Variants in EYS observed in about 807,000 individuals in gnomAD.
The protein encoded by EYS is protein eyes shut homolog.
A neutral mutation model predicts 282.1 loss-of-function variants in EYS; 250 were observed. The observed-to-expected ratio is 0.89, with a 90% CI of 0.80 to 0.98. The LOEUF (loss-of-function observed/expected upper bound fraction) is 0.98, where lower values mean the gene tolerates loss of function less well. Ranked by LOEUF, EYS falls within the 50% of genes least tolerant of loss-of-function variation. EYS has a pLI of 0.00. For missense variants in EYS, 4,016 were observed against 3,709.0 expected (o/e 1.08, Z -2.15); for synonymous variants, 1,355 against 1,282.9 (o/e 1.06, Z -1.20).
intron 22 of EYS, among the ~76,000 whole-genome samples, chr6:64,768,131 A>G (rs1012959518): frequency 6.6e-6 from 1 of 152,126 alleles, no homozygotes; most frequent in African/African-American, 2.4e-5. Context: ...ATAATGAAAA[A>G]TAACAAAATA....
At chr6:65,393,893 G>A (rs898062121) in intron 7 of EYS, among the ~76,000 whole-genome samples, 2 of 151,982 alleles carry the variant, frequency 1.3e-5, no homozygotes, top group East Asian at 3.9e-4. Flanking sequence ...CATTATCGTT[G>A]AAATATCTCA....
intron 33 of EYS, among the ~76,000 whole-genome samples, chr6:64,036,233 GA>G (rs1039883627): frequency 2.0e-5 from 3 of 151,214 alleles, no homozygotes; most frequent in South Asian, 2.1e-4. Context: ...AAGTATAATA[GA>G]AAAAAAAAGA....
At chr6:65,544,582 A>T (rs1199386814) in intron 2 of EYS, among the ~76,000 whole-genome samples, 1 of 152,068 alleles carries the variant, frequency 6.6e-6, no homozygotes, top group Non-Finnish European at 1.5e-5. Context: ...TTCCGCCATG[A>T]TTGTAAGTTT....
intron 41 of EYS, among the ~76,000 whole-genome samples, chr6:63,735,493 T>TCA (rs56885891): frequency 0.012 from 1,824 of 147,824 alleles, 21 homozygotes; most frequent in African/African-American, 0.033. Flanking sequence ...TCTGTCTCTG[T>TCA]CACACACACA....
intron 31 of EYS, among the ~76,000 whole-genome samples, chr6:64,211,590 A>G (rs1446341725): frequency 1.5e-5 from 2 of 130,628 alleles, no homozygotes; most frequent in Non-Finnish European, 3.3e-5. Context: ...TTCATATATT[A>G]ATCTAATTTA....
In EYS at chr6:64,591,852, G is replaced by A. The variant is rs1325494721; in HGVS notation, c.4015C>T (p.Leu1339Phe). The A allele has an allele frequency of 3.2e-6, 5 of 1,551,254 alleles. No homozygotes were observed. The South Asian group carries it at 5.9e-5, about 18-fold the overall frequency. The change falls in exon 26 of 43, where the codon CTT becomes TTT. Residue 1339 changes from leucine (L) to phenylalanine (F), a missense_variant. By Grantham distance (22) the Leu-to-Phe change is conservative. Transcript: ENST00000503581. Reference protein sequence around the residue: ...VTRELSAKHSLLSSADVSSSR... With the variant: ...VTRELSAKHSFLSSADVSSSR... ...GAGGAAACATCTGCGGAAGAAAGAA[G>A]ACTGTGTTTTGCTGAAAGCTCTCTA...
chr6:63,987,387 G>A (rs922962834), intron 34 of EYS, among the ~76,000 whole-genome samples: 2 of 151,690 alleles, frequency 1.3e-5, no homozygotes, highest in Admixed American at 6.6e-5. Flanking sequence ...GATGTTCATT[G>A]CAGAGCTTAT....
At chr6:63,959,521 C>T (rs1765964752) in intron 35 of EYS, among the ~76,000 whole-genome samples, 1 of 152,098 alleles carries the variant, frequency 6.6e-6, no homozygotes, top group Non-Finnish European at 1.5e-5. Flanking sequence ...GGTACATACC[C>T]AAAGGAATAC....
chr6:65,469,753 C>A (rs1765140670), intron 5 of EYS, among the ~76,000 whole-genome samples: 1 of 152,016 alleles, frequency 6.6e-6, no homozygotes, highest in Non-Finnish European at 1.5e-5. Flanking sequence ...CAAACTTCAA[C>A]ATATCTCTCA....
intron 35 of EYS, among the ~76,000 whole-genome samples, chr6:63,931,622 AC>A (rs959103454): frequency 2.0e-5 from 3 of 152,160 alleles, no homozygotes; most frequent in Non-Finnish European, 4.4e-5. Context: ...ACTATTGTTA[AC>A]ATGTTTTTCT....
chr6:64,403,464 C>A (rs1227617079), intron 28 of EYS, among the ~76,000 whole-genome samples: 1 of 152,054 alleles, frequency 6.6e-6, no homozygotes, highest in Non-Finnish European at 1.5e-5. Flanking sequence ...TCAAGCAATT[C>A]TCCTGCCTCA....
At chr6:64,895,445 G>T (rs751125519) in intron 18 of EYS, among the ~76,000 whole-genome samples, 16 of 152,192 alleles carry the variant, frequency 1.1e-4, no homozygotes, top group Non-Finnish European at 2.2e-4. Flanking sequence ...AATCAAAATT[G>T]CTTGTTTGAA....
At chr6:64,454,811 A>G (rs556324234) in intron 26 of EYS, among the ~76,000 whole-genome samples, 28 of 152,214 alleles carry the variant, frequency 1.8e-4, no homozygotes, top group African/African-American at 5.8e-4. Context: ...TCTAATTTAT[A>G]TCCTTGTGAT....
chr6:63,956,907 A>T (rs371549034), intron 35 of EYS, among the ~76,000 whole-genome samples: 2 of 152,266 alleles, frequency 1.3e-5, no homozygotes, highest in Admixed American at 6.5e-5. Context: ...CCTTTTAAAT[A>T]TTGGTTATCA....
chr6:64,149,253 C>T (rs1347649415), intron 31 of EYS, among the ~76,000 whole-genome samples: 1 of 152,156 alleles, frequency 6.6e-6, no homozygotes, highest in African/African-American at 2.4e-5. Flanking sequence ...AACGTGCATG[C>T]ATTTGTGGGC....
At chr6:64,945,516 A>G (rs1769258067) in intron 15 of EYS, among the ~76,000 whole-genome samples, 1 of 152,100 alleles carries the variant, frequency 6.6e-6, no homozygotes, top group Non-Finnish European at 1.5e-5. Flanking sequence ...TTAAGATGGC[A>G]AAAACATGTT....
Position 64,902,399 on chromosome 6 carries a change from T to G in EYS, c.2738+5A>C, listed in dbSNP as rs1366868145. ...GTATCTAGATACTTTTTAAGTTTTCTGTACCTGAAATTGTTGACCATATCT... is the reference window on the plus strand; with the variant it reads ...GTATCTAGATACTTTTTAAGTTTTCGGTACCTGAAATTGTTGACCATATCT... On this transcript the variant is annotated splice_donor_5th_base_variant and intron_variant, in intron 17 of 42. Transcript: ENST00000503581. 5.2e-6 allele frequency: 8 copies of G among 1,533,938 alleles called. No individual in the cohort carries two copies. The highest frequency in any genetic ancestry group is 1.2e-5 in the South Asian group (1 of 80,632).
intron 26 of EYS, among the ~76,000 whole-genome samples, chr6:64,538,173 C>T (rs976694319): frequency 9.9e-5 from 15 of 151,984 alleles, no homozygotes; most frequent in South Asian, 2.1e-4. Context: ...CATGGTAATA[C>T]GGTCTAAGGG....
At chr6:63,926,472 G>A (rs1213965430) in intron 35 of EYS, among the ~76,000 whole-genome samples, 1 of 152,164 alleles carries the variant, frequency 6.6e-6, no homozygotes, top group Non-Finnish European at 1.5e-5. Flanking sequence ...GCATGTCTTA[G>A]AGCCAGTCTC....
Sources: gnomAD v4.1 joint callset for allele counts (sites outside exome capture counted in the v4.1 genomes callset) on GRCh38, gnomAD v4.1.1 for gene constraint, MANE v1.5 for transcripts, NCBI Gene and HGNC (gene_info 2026-07-23, HGNC 2026-07-21) for gene names.